Variants in STK38L observed in about 807,000 individuals in gnomAD.
STK38L encodes the protein serine/threonine-protein kinase 38-like.
STK38L carries 28 observed loss-of-function variants against 59.7 expected under a neutral mutation model. The observed-to-expected ratio is 0.47, with a 90% CI of 0.35 to 0.64. The LOEUF (loss-of-function observed/expected upper bound fraction) is 0.64, where lower values mean the gene tolerates loss of function less well. STK38L is among the 30% of genes least tolerant of loss of function. STK38L has a pLI of 0.01. For missense variants in STK38L, 314 were observed against 555.8 expected (o/e 0.56, Z 4.37); for synonymous variants, 162 against 176.8 (o/e 0.92, Z 0.66).
rs1944539108 is a variant in STK38L at position 27,314,561 on chromosome 12, T to C, written c.575T>C (p.Phe192Ser). 6.2e-7 allele frequency: 1 copy of C among 1,607,316 alleles called. No individual in the cohort carries two copies. Among genetic ancestry groups the C allele is most frequent in the Non-Finnish European group, 8.5e-7 (1 of 1,176,788 alleles). The stretch of plus-strand genomic sequence containing the variant: ...ACCTTGACAGAAGAGGAAACACAGT[T>C]CTACATTTCAGAGACTGTTCTGGCA... ...KDTLTEEETQ[F>S]YISETVLAID... The change falls in exon 7 of 14, where the codon TTC becomes TCC. Residue 192 changes from phenylalanine to serine, a missense_variant. By Grantham distance (155) the Phe-to-Ser change is radical (BLOSUM62 -2). This residue lies in a region of STK38L where 192 missense variants were observed against 316.9 expected (regional missense o/e 0.61). Transcript: ENST00000389032.
intron 3 of STK38L, among the ~76,000 whole-genome samples, chr12:27,302,775 C>T (rs1463248721): frequency 6.6e-6 from 1 of 152,028 alleles, no homozygotes; most frequent in African/African-American, 2.4e-5. Flanking sequence ...AATCCCAGCA[C>T]TTTGGGAGGC....
rs1043358675 is a variant in STK38L, at chr12:27,310,351, C to T, written c.393+1154C>T. ...GAAGAAAAAAGAAAGATAATGATGG[C>T]AATAAGGACGTGGGTAAAGATGCAT... On this transcript the variant is annotated intron_variant, in intron 5 of 13. Coordinates refer to ENST00000389032, the MANE Select transcript of STK38L (RefSeq NM_015000.4). Among the ~76,000 whole-genome samples the T allele has an allele frequency of 2.0e-5, 3 of 152,134 alleles. No homozygotes were observed. In the South Asian group the frequency reaches 6.2e-4, roughly 32 times the overall value.
chr12:27,323,338 A>T lies in STK38L; in HGVS notation c.*883A>T, dbSNP rs1944774352. 11 of 152,656 alleles carry T rather than the reference A, an allele frequency of 7.2e-5. No individual in the cohort carries two copies. In the South Asian group the frequency reaches 2.3e-3, roughly 32 times the overall value. The allele number at this position is 152,656 out of a possible 1,614,324, so 9.5% of individuals were successfully genotyped here. Reference sequence around the variant, plus strand: ...ACATGACCATGAAGGCTGCTTGTAGAATTAGTGTATTTTTATTAAACTATT... The same window carrying T: ...ACATGACCATGAAGGCTGCTTGTAGTATTAGTGTATTTTTATTAAACTATT... On this transcript the variant is annotated 3_prime_UTR_variant, in exon 14 of 14. Coordinates refer to ENST00000389032, the MANE Select transcript of STK38L (RefSeq NM_015000.4).
chr12:27,318,041 G>A (rs1452596527), intron 11 of STK38L, 22 bp downstream of exon 11: 1 of 1,612,510 alleles, frequency 6.2e-7, no homozygotes, highest in Admixed American at 1.7e-5. Flanking sequence ...AATTCCTAGA[G>A]GAGTTCATAG....
intron 1 of STK38L, among the ~76,000 whole-genome samples, chr12:27,263,143 G>A (rs1009857536): frequency 1.3e-5 from 2 of 152,102 alleles, no homozygotes; most frequent in Non-Finnish European, 2.9e-5. Flanking sequence ...ATTTAGAAAA[G>A]TTAGAAAATA....
At chr12:27,251,265 A>G (rs1351991074) in intron 1 of STK38L, among the ~76,000 whole-genome samples, 1 of 152,186 alleles carries the variant, frequency 6.6e-6, no homozygotes, top group Admixed American at 6.5e-5. Flanking sequence ...TCTTATAGAC[A>G]GGGATTTACT....
At chr12:27,282,953 G>T (rs961799916) in intron 1 of STK38L, among the ~76,000 whole-genome samples, 8 of 152,162 alleles carry the variant, frequency 5.3e-5, no homozygotes, top group African/African-American at 1.9e-4. Flanking sequence ...ACTTAATCCA[G>T]TTAAGTCTCA....
intron 1 of STK38L, among the ~76,000 whole-genome samples, chr12:27,278,478 C>T (rs912180238): frequency 3.9e-5 from 6 of 152,136 alleles, no homozygotes; most frequent in African/African-American, 1.2e-4. Flanking sequence ...TCTTAGCATG[C>T]TCATATCATG....
chr12:27,284,233 C>T (rs1192696312), intron 1 of STK38L, among the ~76,000 whole-genome samples: 1 of 150,090 alleles, frequency 6.7e-6, no homozygotes, highest in Non-Finnish European at 1.5e-5. Flanking sequence ...AACTTTGCTG[C>T]AGGGGTAGTA....
intron 5 of STK38L, among the ~76,000 whole-genome samples, chr12:27,312,173 C>T (rs990088253): frequency 6.6e-6 from 1 of 152,210 alleles, no homozygotes; most frequent in Non-Finnish European, 1.5e-5. Flanking sequence ...GCCACTGTGC[C>T]CGGCCCTGCT....
chr12:27,260,062 A>T (rs567955450), intron 1 of STK38L, among the ~76,000 whole-genome samples: 1 of 152,282 alleles, frequency 6.6e-6, no homozygotes, highest in South Asian at 2.1e-4. Context: ...GTTTTATGTC[A>T]GTCTGTCCAT....
chr12:27,255,733 T>C (rs887459579), intron 1 of STK38L, among the ~76,000 whole-genome samples: 3 of 152,224 alleles, frequency 2.0e-5, no homozygotes, highest in African/African-American at 7.2e-5. Flanking sequence ...CTCCCTGCAC[T>C]GTGAGTGTGG....
At chr12:27,296,289 C>G (rs1944019731) in intron 1 of STK38L, among the ~76,000 whole-genome samples, 1 of 152,204 alleles carries the variant, frequency 6.6e-6, no homozygotes, top group Non-Finnish European at 1.5e-5. Context: ...ATGACTGATT[C>G]TAAACAAGTG....
intron 1 of STK38L, among the ~76,000 whole-genome samples, chr12:27,246,912 C>T (rs550669420): frequency 9.9e-5 from 15 of 152,180 alleles, no homozygotes; most frequent in African/African-American, 3.4e-4. Context: ...TACACTCGGA[C>T]GAACTGTGGT....
intron 1 of STK38L, among the ~76,000 whole-genome samples, chr12:27,276,699 A>G (rs1303813419): frequency 6.6e-6 from 1 of 152,246 alleles, no homozygotes; most frequent in Admixed American, 6.5e-5. Flanking sequence ...TGTCATTTCT[A>G]TTTTATCAAA....
At chr12:27,273,174 A>G (rs1439967332) in intron 1 of STK38L, among the ~76,000 whole-genome samples, 1 of 149,880 alleles carries the variant, frequency 6.7e-6, no homozygotes, top group African/African-American at 2.5e-5. Context: ...AAGGGCGGAG[A>G]TTTTCTACTT....
intron 1 of STK38L, among the ~76,000 whole-genome samples, chr12:27,265,424 A>G (rs1262240017): frequency 1.3e-5 from 2 of 152,020 alleles, no homozygotes; most frequent in Non-Finnish European, 2.9e-5. Flanking sequence ...ATTTAATTGG[A>G]GCTCTATTAT....
chr12:27,286,804 A>G (rs1053667815), intron 1 of STK38L, among the ~76,000 whole-genome samples: 1 of 152,210 alleles, frequency 6.6e-6, no homozygotes, highest in Non-Finnish European at 1.5e-5. Flanking sequence ...CATAGGGTGG[A>G]CAGAAAGGCA....
At chr12:27,269,693 A>T (rs1446015632) in intron 1 of STK38L, among the ~76,000 whole-genome samples, 1 of 152,170 alleles carries the variant, frequency 6.6e-6, no homozygotes, top group Admixed American at 6.5e-5. Flanking sequence ...CCCAGGCTGC[A>T]GTGCAATGGC....
Sources: allele counts gnomAD v4.1 joint callset (sites outside exome capture counted in the v4.1 genomes callset), GRCh38; gene constraint gnomAD v4.1.1; regional missense constraint gnomAD v4.1.1; transcripts MANE v1.5; gene names NCBI Gene and HGNC (gene_info 2026-07-23, HGNC 2026-07-21).